The following RBFOX1 variants were observed in gnomAD, a reference collection of about 807,000 sequenced individuals.
RBFOX1 encodes the protein RNA binding fox-1 homolog 1.
RBFOX1 carries 8 observed loss-of-function variants against 57.7 expected under a neutral mutation model. The observed-to-expected ratio is 0.14, with a 90% CI of 0.08 to 0.25. The LOEUF (loss-of-function observed/expected upper bound fraction) is 0.25, where lower values mean the gene tolerates loss of function less well. Among genes scored for constraint, RBFOX1 ranks in the 10% least tolerant of loss-of-function variants. The pLI is 1.00. For synonymous variants in RBFOX1, 326 were observed against 222.4 expected, an observed-to-expected ratio of 1.47 and a Z score of -4.15; for missense variants, 611 against 548.5, an observed-to-expected ratio of 1.11 and a Z score of -1.14.
At chr16:5,306,776 C>G (rs941887681) in intron 1 of RBFOX1, among the ~76,000 whole-genome samples, 4 of 152,212 alleles carry the variant, frequency 2.6e-5, no homozygotes, top group African/African-American at 9.6e-5. Flanking sequence ...GAGTCCCAGT[C>G]TGCTCTGTTC....
chr16:5,247,195 T>A (rs543325625), intron 1 of RBFOX1, among the ~76,000 whole-genome samples: 4 of 152,184 alleles, frequency 2.6e-5, no homozygotes, highest in Non-Finnish European at 4.4e-5. Context: ...GGGGAAAAGA[T>A]TCACTCTAAG....
At chr16:5,375,162 C>G (rs1372049298) in intron 1 of RBFOX1, among the ~76,000 whole-genome samples, 1 of 149,066 alleles carries the variant, frequency 6.7e-6, no homozygotes, top group African/African-American at 2.5e-5. Flanking sequence ...TTAAACCGAT[C>G]TCTTCGAGGG....
At chr16:6,487,446 G>C (rs2095509592) in intron 2 of RBFOX1, among the ~76,000 whole-genome samples, 1 of 151,584 alleles carries the variant, frequency 6.6e-6, no homozygotes. Flanking sequence ...AATGTAAATA[G>C]GATCAGTTGG....
At chr16:6,854,018 A>G (rs2057338307) in intron 3 of RBFOX1, among the ~76,000 whole-genome samples, 1 of 152,214 alleles carries the variant, frequency 6.6e-6, no homozygotes, top group Non-Finnish European at 1.5e-5. Context: ...AAAGAAAGGT[A>G]GAAGGAAGGA....
At chr16:7,452,632 A>G (rs2057593563) in intron 4 of RBFOX1, among the ~76,000 whole-genome samples, 1 of 152,186 alleles carries the variant, frequency 6.6e-6, no homozygotes, top group Non-Finnish European at 1.5e-5. Flanking sequence ...TGTGGTGCCA[A>G]GGATCTAAAA....
At chr16:7,511,878 C>A (rs201405039) in intron 4 of RBFOX1, among the ~76,000 whole-genome samples, 2 of 112,970 alleles carry the variant, frequency 1.8e-5, no homozygotes, top group Admixed American at 8.1e-5. Flanking sequence ...GGTCTTAAAG[C>A]GTGAGATCTT....
chr16:5,314,102 C>T (rs1180877740), intron 1 of RBFOX1, among the ~76,000 whole-genome samples: 1 of 152,190 alleles, frequency 6.6e-6, no homozygotes, highest in Non-Finnish European at 1.5e-5. Context: ...TCTCATGAGA[C>T]CCTCTTGACA....
chr16:6,692,564 C>A (rs923071845), intron 3 of RBFOX1, among the ~76,000 whole-genome samples: 4 of 152,108 alleles, frequency 2.6e-5, no homozygotes, highest in Non-Finnish European at 4.4e-5. Flanking sequence ...GTTGTTGATT[C>A]ACCTACACTC....
intron 4 of RBFOX1, among the ~76,000 whole-genome samples, chr16:7,441,848 C>G (rs193045286): frequency 2.0e-5 from 3 of 152,192 alleles, no homozygotes; most frequent in South Asian, 2.1e-4. Context: ...TCACGATCCA[C>G]TGGCTGTCAC....
chr16:7,311,807 AG>A (rs2096316169), intron 4 of RBFOX1, among the ~76,000 whole-genome samples: 1 of 152,186 alleles, frequency 6.6e-6, no homozygotes, highest in Admixed American at 6.5e-5. Context: ...CCAAAAGTAC[AG>A]GTTTTTTTGA....
At chr16:7,009,408 A>T (rs1044692586) in intron 3 of RBFOX1, among the ~76,000 whole-genome samples, 5 of 151,802 alleles carry the variant, frequency 3.3e-5, no homozygotes, top group African/African-American at 1.2e-4. Context: ...CGCCACTGTG[A>T]CAAATCCACA....
chr16:7,407,878 G>C (rs1464778806), intron 4 of RBFOX1, among the ~76,000 whole-genome samples: 1 of 152,154 alleles, frequency 6.6e-6, no homozygotes, highest in Non-Finnish European at 1.5e-5. Context: ...TATTTTCCTA[G>C]ACAGAACATT....
At chr16:7,230,880 C>T (rs2093459320) in intron 4 of RBFOX1, among the ~76,000 whole-genome samples, 1 of 152,154 alleles carries the variant, frequency 6.6e-6, no homozygotes, top group Non-Finnish European at 1.5e-5. Context: ...TATAGTTCCT[C>T]ATTTTGTAGA....
chr16:5,896,791 T>C (rs1411471922), intron 4 of RBFOX1, among the ~76,000 whole-genome samples: 1 of 152,094 alleles, frequency 6.6e-6, no homozygotes, highest in East Asian at 1.9e-4. Flanking sequence ...CACTTTAGTA[T>C]GTGGCATCCA....
At chr16:6,930,129 C>T (rs988789941) in intron 3 of RBFOX1, among the ~76,000 whole-genome samples, 6 of 152,162 alleles carry the variant, frequency 3.9e-5, no homozygotes, top group African/African-American at 1.2e-4. Flanking sequence ...ATGTGAGCCC[C>T]TCAATCTGTG....
intron 1 of RBFOX1, among the ~76,000 whole-genome samples, chr16:5,248,881 G>A (rs377699092): frequency 4.6e-5 from 7 of 151,482 alleles, no homozygotes; most frequent in South Asian, 2.1e-4. Flanking sequence ...CCAGCTACTC[G>A]GGAAGCTGAG....
chr16:6,222,677 CT>C (rs2097383444), intron 1 of RBFOX1, among the ~76,000 whole-genome samples: 1 of 120,236 alleles, frequency 8.3e-6, no homozygotes, highest in Non-Finnish European at 1.7e-5. Flanking sequence ...TAAGAATTTT[CT>C]TTTCTTTTAT....
At chr16:5,336,184 G>C (rs1210421953) in intron 1 of RBFOX1, among the ~76,000 whole-genome samples, 1 of 152,148 alleles carries the variant, frequency 6.6e-6, no homozygotes, top group Non-Finnish European at 1.5e-5. Context: ...CAAAGGACCA[G>C]TGGACAGAAA....
intron 2 of RBFOX1, among the ~76,000 whole-genome samples, chr16:6,512,036 C>A (rs2096265412): frequency 6.6e-6 from 1 of 151,350 alleles, no homozygotes; most frequent in Non-Finnish European, 1.5e-5. Flanking sequence ...TCTGAGAGGC[C>A]AAGGCAGGAG....
Sources: gnomAD v4.1 joint callset for allele counts (sites outside exome capture counted in the v4.1 genomes callset) on GRCh38, gnomAD v4.1.1 for gene constraint, MANE v1.5 for transcripts, NCBI Gene and HGNC (gene_info 2026-07-23, HGNC 2026-07-21) for gene names.